WDR13: variants seen among roughly 807,000 people sequenced by gnomAD.
WDR13 encodes WD repeat domain 13.
Under a neutral mutation model 28.6 loss-of-function variants are expected in WDR13, and 1 was observed. The ratio of observed to expected loss-of-function variants is 0.03; its 90% CI spans 0.01 to 0.17. The LOEUF (loss-of-function observed/expected upper bound fraction) is 0.17, where lower values mean the gene tolerates loss of function less well. Among genes scored for constraint, WDR13 ranks in the 10% least tolerant of loss-of-function variants. The probability of loss-of-function intolerance (pLI) is 1.00; values close to 1 mark genes in which losing one functional copy is unlikely to be tolerated. For missense variants in WDR13, 264 were observed against 469.3 expected, an observed-to-expected ratio of 0.56 and a Z score of 4.04; for synonymous variants, 201 against 185.9, an observed-to-expected ratio of 1.08 and a Z score of -0.66.
At chrX:48,599,127 G>A in intron 3 of WDR13, 170 bp downstream of exon 3, 2 of 801,132 alleles carry the variant, frequency 2.5e-6, no homozygotes, top group South Asian at 2.7e-5. Context: ...AAACAGGTCA[G>A]TAAACATATA....
In WDR13 at chrX:48,606,893, T is replaced by G. The variant is rs1032114840; in HGVS notation, c.*1861T>G. On this transcript the variant is annotated 3_prime_UTR_variant, in exon 10 of 10. Transcript: ENST00000376729. ...TGGAGGGAAATAATCTCCCGTTTGT[T>G]CAGTCCAGTTATTTGACAGTGTGGT... 3 of 111,928 alleles carry G rather than the reference T, an allele frequency of 2.7e-5. No homozygotes were observed. Among genetic ancestry groups the G allele is most frequent in the African/African-American group, 9.7e-5 (3 of 30,793 alleles). 9.2% of individuals were successfully genotyped at this position (111,928 alleles called of 1,213,427 possible). A position where few individuals can be genotyped will look rare whatever the true frequency, so the allele number is the denominator to read the frequency against.
chrX:48,599,095 C>A, intron 3 of WDR13, 138 bp downstream of exon 3: 2 of 936,738 alleles, frequency 2.1e-6, no homozygotes, highest in Non-Finnish European at 2.9e-6. Flanking sequence ...GCCAAGTAAA[C>A]CAGTAAACAC....
rs879950335 is a variant in WDR13, at chrX:48,602,061, G to T, written c.1013-4G>T. ...CTTTGCCTTCCCTCCCTCTGCTGCT[G>T]CAGGGAAGCTGACCAAAGCCAAGCG... On this transcript the variant is annotated splice_polypyrimidine_tract_variant and splice_region_variant and intron_variant, in intron 7 of 9. Coordinates refer to ENST00000376729, the MANE Select transcript of WDR13 (RefSeq NM_001347217.2). 2 of 1,210,254 alleles carry T rather than the reference G, an allele frequency of 1.7e-6. No individual in the cohort carries two copies. The highest frequency in any genetic ancestry group is 2.2e-6 in the Non-Finnish European group (2 of 894,090).
intron 4 of WDR13, 59 bp downstream of exon 4, chrX:48,599,521 G>A: frequency 1.7e-6 from 2 of 1,207,948 alleles, no homozygotes; most frequent in Middle Eastern, 2.3e-4. Flanking sequence ...GGGGCCCTGG[G>A]GCAATGGCAG....
At chrX:48,603,019 T>C (rs929388520) in intron 8 of WDR13, among the ~76,000 whole-genome samples, 1 of 110,620 alleles carries the variant, frequency 9.0e-6, no homozygotes, top group Non-Finnish European at 1.9e-5. Flanking sequence ...TATCCATGTA[T>C]GTTTTTGTTT....
chrX:48,607,739 G>A lies in WDR13; in HGVS notation c.*2707G>A, dbSNP rs1240402856. The A allele has an allele frequency of 9.2e-6, 1 of 108,701 alleles. No individual in the cohort carries two copies. The highest frequency in any genetic ancestry group is 2.9e-4 in the East Asian group (1 of 3,471). The allele number at this position is 108,701 out of a possible 1,213,427, so 9.0% of individuals were successfully genotyped here. Reference sequence around the variant, plus strand: ...CTACCCAAATCCCAGGCTCCCAAAAGGAAAGCAGGGGCTCAGCATAAACCA... The same window carrying A: ...CTACCCAAATCCCAGGCTCCCAAAAAGAAAGCAGGGGCTCAGCATAAACCA... On this transcript the variant is annotated 3_prime_UTR_variant, in exon 10 of 10. Coordinates refer to ENST00000376729, the MANE Select transcript of WDR13 (RefSeq NM_001347217.2).
chrX:48,598,729 C>T lies in WDR13; in HGVS notation c.54C>T (p.Tyr18=). 1.1e-5 allele frequency: 13 copies of T among 1,189,599 alleles called. No individual in the cohort carries two copies. The highest frequency in any genetic ancestry group is 1.5e-5 in the Non-Finnish European group (13 of 882,137). The change falls in exon 3 of 10, where the codon TAC becomes TAT. Residue 18 remains tyrosine, a synonymous_variant. Transcript: ENST00000376729. ...VLAVDARYNA[Y]RTPTFPQFRT... Reference sequence around the variant, plus strand: ...CCTGACCCTGCAGGTACAACGCGTACCGCACACCAACGTTTCCACAGTTTC... The same window carrying T: ...CCTGACCCTGCAGGTACAACGCGTATCGCACACCAACGTTTCCACAGTTTC...
intron 8 of WDR13, 125 bp from the exon 9 acceptor site, chrX:48,604,147 A>C (rs1556995388): frequency 3.4e-6 from 2 of 582,241 alleles, no homozygotes; most frequent in African/African-American, 4.7e-5. Flanking sequence ...TCAAAAACAA[A>C]AAAAAAAATA....
At position 48,600,861 on chromosome X, in the gene WDR13, G is replaced by A. The variant is rs782229562; in HGVS notation, c.831+235G>A. ...CTGTAATCCCAGCACTTTGGGAGGC[G>A]GAGGCGGGCGGATCACGAGGTCAGG... is the stretch of plus-strand genomic sequence containing the variant. On this transcript the variant is annotated intron_variant, in intron 6 of 9. Coordinates refer to ENST00000376729, the MANE Select transcript of WDR13 (RefSeq NM_001347217.2). The A allele has an allele frequency of 9.3e-4, 367 of 393,342 alleles. 2 individuals are homozygous for A. Among genetic ancestry groups the A allele is most frequent in the African/African-American group, 8.3e-3 (326 of 39,047 alleles). 32.4% of individuals were successfully genotyped at this position (393,342 alleles called of 1,213,427 possible).
chrX:48,602,150 G>A lies in WDR13; in HGVS notation c.1098G>A (p.Glu366=), dbSNP rs1556994845. The A allele has an allele frequency of 8.3e-7, 1 of 1,211,869 alleles. No homozygotes were observed. The highest frequency in any genetic ancestry group is 1.1e-6 in the Non-Finnish European group (1 of 895,452). Residue 366 remains glutamate (E), a synonymous_variant, in exon 8 of 10, where the codon GAG becomes GAA. Transcript: ENST00000376729. ...CAGCCCGGTCCTGGGTCAGCCGCGA[G>A]GCCCGGGATCCCTCACTGCTCATCA... is the stretch of plus-strand genomic sequence containing the variant. ...SISARSWVSR[E]ARDPSLLINA... is the part of the protein sequence containing the mutation.
At chrX:48,602,622 G>T (rs1427728734) in intron 8 of WDR13, among the ~76,000 whole-genome samples, 5 of 102,533 alleles carry the variant, frequency 4.9e-5, no homozygotes, top group Non-Finnish European at 7.9e-5. Context: ...TTCTCAGCCT[G>T]GGCCACACAT....
In WDR13 at chrX:48,597,988, G is replaced by A. The variant is rs2062154032; in HGVS notation, c.-9G>A. 1.7e-6 allele frequency: 2 copies of A among 1,164,938 alleles called. No homozygotes were observed. The highest frequency in any genetic ancestry group is 3.6e-5 in the African/African-American group (2 of 56,075). On this transcript the variant is annotated 5_prime_UTR_variant, in exon 2 of 10. Coordinates refer to ENST00000376729, the MANE Select transcript of WDR13 (RefSeq NM_001347217.2). ...CGCGGGCGGACACGCCAGAGGAGGAGGCCGGGGAATGGCCGCGGTGTGGCA... is the reference window on the plus strand; with the variant it reads ...CGCGGGCGGACACGCCAGAGGAGGAAGCCGGGGAATGGCCGCGGTGTGGCA...
chrX:48,604,254 A>G lies in WDR13; in HGVS notation c.1155-18A>G, dbSNP rs959575948. On this transcript the variant is annotated intron_variant, in intron 8 of 9. Coordinates refer to ENST00000376729, the MANE Select transcript of WDR13 (RefSeq NM_001347217.2). ...TAGGGCTGGGGCTGTGTTTTGACCC[A>G]CTCTCTCATCCTCTCAGGGTGGTAG... The G allele has an allele frequency of 8.3e-7, 1 of 1,203,389 alleles. No homozygotes were observed. Among genetic ancestry groups the G allele is most frequent in the Middle Eastern group, 2.3e-4 (1 of 4,332 alleles).
At position 48,604,321 on chromosome X, in the gene WDR13, G is replaced by A. The variant is rs1556995454; in HGVS notation, c.1204G>A (p.Glu402Lys). 13 of 1,211,039 alleles carry A rather than the reference G, an allele frequency of 1.1e-5. No individual in the cohort carries two copies. The highest frequency in any genetic ancestry group is 3.0e-5 in the East Asian group (1 of 33,826). ...GCAGCTGAAGAGAAGCTTCCCCATCGAGCAGAGCTCACATCCTGTGCGCAG... is the reference window on the plus strand; with the variant it reads ...GCAGCTGAAGAGAAGCTTCCCCATCAAGCAGAGCTCACATCCTGTGCGCAG... ...TLQLKRSFPI[E>K]QSSHPVRSIF... is the part of the protein sequence containing the mutation. The change falls in exon 9 of 10, where the codon GAG becomes AAG. Residue 402 changes from glutamate (E) to lysine (K), a missense_variant. Transcript: ENST00000376729.
Position 48,598,951 on chromosome X carries a change from C to T in WDR13, c.276C>T (p.Arg92=), listed in dbSNP as rs782710378. 50 of 1,196,495 alleles carry T rather than the reference C, an allele frequency of 4.2e-5. No individual in the cohort carries two copies. In the South Asian group the frequency reaches 7.8e-4, roughly 19 times the overall value. Residue 92 remains arginine (R), a synonymous_variant, in exon 3 of 10, where the codon CGC becomes CGT. Transcript: ENST00000376729. ...IVRSSRTTLD[R]MEDFEDDPRA... ...GCAGTAGCCGCACTACTCTTGACCG[C>T]ATGGAGGTGAGCTTCTGGCCACATT...
intron 8 of WDR13, among the ~76,000 whole-genome samples, chrX:48,603,040 CAG>C (rs1367181983): frequency 9.0e-6 from 1 of 111,130 alleles, no homozygotes; most frequent in East Asian, 2.9e-4. Flanking sequence ...GTTTGTGAGA[CAG>C]GGTTTTGCTG....
Position 48,607,319 on chromosome X carries a change from A to G in WDR13, c.*2287A>G, listed in dbSNP as rs1194485114. 3.1e-5 allele frequency: 3 copies of G among 97,000 alleles called. No individual in the cohort carries two copies. Among genetic ancestry groups the G allele is most frequent in the Non-Finnish European group, 6.0e-5 (3 of 49,905 alleles). The allele number at this position is 97,000 out of a possible 1,213,427, so 8.0% of individuals were successfully genotyped here. On this transcript the variant is annotated 3_prime_UTR_variant, in exon 10 of 10. Transcript: ENST00000376729. ...GAAATGTTGCTGACCAAGGAAGCTC[A>G]ATTAGAGACTCAGCACCCAGAGGTT...
Position 48,605,099 on chromosome X carries a change from A to T in WDR13, c.*67A>T. The T allele has an allele frequency of 8.8e-7, 1 of 1,130,669 alleles. No individual in the cohort carries two copies. Among genetic ancestry groups the T allele is most frequent in the Non-Finnish European group, 1.2e-6 (1 of 846,439 alleles). The allele number at this position is 1,130,669 out of a possible 1,213,427, so 93.2% of individuals were successfully genotyped here. ...TACTCCAGCCTCGTGTTGTAAATAA[A>T]GTTTCGGTGGTCATGCTGAGGGCCG... is the stretch of plus-strand genomic sequence containing the variant. On this transcript the variant is annotated 3_prime_UTR_variant, in exon 10 of 10. Transcript: ENST00000376729.
At chrX:48,597,695 TCAAG>T (rs1374749519) in intron 1 of WDR13, 81 bp downstream of exon 1, 6 of 311,858 alleles carry the variant, frequency 1.9e-5, no homozygotes, top group African/African-American at 1.7e-4. Context: ...GTGGAGAATG[TCAAG>T]CAAGGAATGC....
Sources: allele counts gnomAD v4.1 joint callset (sites outside exome capture counted in the v4.1 genomes callset), GRCh38; gene constraint gnomAD v4.1.1; transcripts MANE v1.5; gene names NCBI Gene and HGNC (gene_info 2026-07-23, HGNC 2026-07-21).